The following CIBAR2 variants were observed in gnomAD, a reference collection of about 807,000 sequenced individuals.
The protein encoded by CIBAR2 is CBY1-interacting BAR domain-containing protein 2.
CIBAR2 carries 38 observed loss-of-function variants against 36.2 expected under a neutral mutation model. The ratio of observed to expected loss-of-function variants is 1.05; its 90% confidence interval spans 0.81 to 1.38. CIBAR2 has a LOEUF of 1.38. Ranked by LOEUF, CIBAR2 falls within the 40% of genes most tolerant of loss-of-function variation. CIBAR2 has a pLI of 0.00. For missense variants in CIBAR2, 481 were observed against 383.4 expected (o/e 1.25, Z -2.13); for synonymous variants, 182 against 149.5 (o/e 1.22, Z -1.58).
chr16:85,112,454 T>G lies in CIBAR2; in HGVS notation c.-102A>C, dbSNP rs1049174047. ...CCGGGCAGGGCTGGGTGCAGCTGTG[T>G]GGCCTGGGCTCAAGGGACGCTGCCA... is the stretch of plus-strand genomic sequence containing the variant. On this transcript the variant is annotated 5_prime_UTR_variant, in exon 1 of 9. Transcript: ENST00000539556. 3 of 1,224,752 alleles carry G rather than the reference T, an allele frequency of 2.4e-6. No homozygotes were observed. Among genetic ancestry groups the G allele is most frequent in the Admixed American group, 1.7e-5 (1 of 57,292 alleles). The allele number at this position is 1,224,752 out of a possible 1,614,324, so 75.9% of individuals were successfully genotyped here.
At chr16:85,104,310 C>T (rs1173331610) in intron 6 of CIBAR2, among the ~76,000 whole-genome samples, 1 of 152,194 alleles carries the variant, frequency 6.6e-6, no homozygotes, top group East Asian at 1.9e-4. Context: ...CAGGCCTGAG[C>T]CAGGGCTTCA....
intron 7 of CIBAR2, among the ~76,000 whole-genome samples, chr16:85,100,636 C>A (rs577941822): frequency 5.9e-5 from 9 of 152,332 alleles, no homozygotes; most frequent in Non-Finnish European, 7.3e-5. Context: ...GATGCTTCCC[C>A]CATCAGGAGC....
chr16:85,108,583 C>T (rs1028069153), intron 2 of CIBAR2, among the ~76,000 whole-genome samples: 1 of 152,180 alleles, frequency 6.6e-6, no homozygotes, highest in Non-Finnish European at 1.5e-5. Flanking sequence ...TATTGAGAGT[C>T]ACAGTGGGGC....
rs371042776 is a variant in CIBAR2 at position 85,112,431 on chromosome 16, G to C, written c.-79C>G. ...GGGTCCTGCAGGCCTGGGAGGAGCC[G>C]GGCAGGGCTGGGTGCAGCTGTGTGG... is the stretch of plus-strand genomic sequence containing the variant. On this transcript the variant is annotated 5_prime_UTR_variant, in exon 1 of 9. Transcript: ENST00000539556. 13 of 1,409,694 alleles carry C rather than the reference G, an allele frequency of 9.2e-6. No individual in the cohort carries two copies. Among genetic ancestry groups the C allele is most frequent in the Non-Finnish European group, 1.3e-5 (13 of 995,924 alleles). 87.3% of individuals were successfully genotyped at this position (1,409,694 alleles called of 1,614,324 possible).
intron 7 of CIBAR2, 74 bp downstream of exon 7, chr16:85,102,140 C>G (rs1181781089): frequency 2.4e-6 from 2 of 818,530 alleles, no homozygotes; most frequent in African/African-American, 3.5e-5. Flanking sequence ...ACAAAAACGA[C>G]TTCTATCAAG....
At chr16:85,101,132 C>T (rs945592702) in intron 7 of CIBAR2, among the ~76,000 whole-genome samples, 2 of 152,162 alleles carry the variant, frequency 1.3e-5, no homozygotes, top group Non-Finnish European at 2.9e-5. Context: ...TGGGCAGCCA[C>T]TGTGGCCGTA....
At chr16:85,112,223 A>ACCCCCCCCCCC in intron 1 of CIBAR2, 110 bp downstream of exon 1, 2 of 634,094 alleles carry the variant, frequency 3.2e-6, no homozygotes, top group Non-Finnish European at 5.8e-6. Flanking sequence ...CCTCACCCCC[A>ACCCCCCCCCCC]ACCCCCACCC....
At chr16:85,101,180 G>A (rs1192142743) in intron 7 of CIBAR2, among the ~76,000 whole-genome samples, 1 of 152,196 alleles carries the variant, frequency 6.6e-6, no homozygotes, top group Admixed American at 6.5e-5. Flanking sequence ...GGCTTTGTGG[G>A]GTGTAGCTCA....
chr16:85,108,261 G>A (rs925682195), intron 2 of CIBAR2, among the ~76,000 whole-genome samples, 162 bp from the exon 3 acceptor site: 3 of 152,194 alleles, frequency 2.0e-5, no homozygotes, highest in Non-Finnish European at 4.4e-5. Flanking sequence ...TTGGAGGCAC[G>A]GAGCTGGGTT....
At chr16:85,100,824 G>T (rs1159174481) in intron 7 of CIBAR2, among the ~76,000 whole-genome samples, 1 of 152,192 alleles carries the variant, frequency 6.6e-6, no homozygotes, top group African/African-American at 2.4e-5. Context: ...GAGGCGGGCA[G>T]ATCATGAGGT....
rs116395098 is a variant in CIBAR2, at chr16:85,100,224, A to T, written c.668T>A (p.Met223Lys). The T allele has an allele frequency of 9.1e-5, 147 of 1,609,634 alleles. No individual in the cohort carries two copies. In the African/African-American group the frequency reaches 1.8e-3, roughly 19 times the overall value. ...GTCATAATGCCCATAAACTCCTTGC[A>T]TCTTGGCTCTAAAATCCTGCCGGGG... ...ERDLLDFRAK[M>K]QGVYGHYDTR... The change falls in exon 8 of 9, where the codon ATG (methionine) becomes AAG (lysine). Residue 223 changes from methionine to lysine, a missense_variant. Transcript: ENST00000539556.
At chr16:85,105,489 C>T in intron 5 of CIBAR2, 58 bp from the exon 6 acceptor site, 2 of 1,249,290 alleles carry the variant, frequency 1.6e-6, no homozygotes, top group East Asian at 2.3e-5. Context: ...GGCCCTTAGA[C>T]ACCTTTCTGA....
intron 7 of CIBAR2, 134 bp downstream of exon 7, chr16:85,102,080 G>A (rs1003234771): frequency 9.8e-6 from 6 of 613,476 alleles, no homozygotes; most frequent in Middle Eastern, 2.5e-4. Flanking sequence ...TATTGACAAC[G>A]CTTCATCAGC....
chr16:85,110,344 G>GCC lies in CIBAR2; in HGVS notation c.135_136dup (p.Ala46GlyfsTer24), dbSNP rs759578773. On this transcript the variant is annotated frameshift_variant, in exon 2 of 9. Transcript: ENST00000539556. LOFTEE classifies it high-confidence loss of function. ...GATGAGCTGCTTGACCAGCTGGTCC[G>GCC]CCTTGTCCCGCAGCCGGGCCGTCTT... 6.2e-7 allele frequency: 1 copy of GCC among 1,613,126 alleles called. No homozygotes were observed. The highest frequency in any genetic ancestry group is 1.3e-5 in the African/African-American group (1 of 74,912).
At chr16:85,102,612 G>C (rs1269132311) in intron 6 of CIBAR2, among the ~76,000 whole-genome samples, 2 of 152,150 alleles carry the variant, frequency 1.3e-5, no homozygotes, top group Non-Finnish European at 2.9e-5. Context: ...AGGAGTTCAA[G>C]ACCAGCCTGG....
At position 85,099,330 on chromosome 16, in the gene CIBAR2, T is replaced by A. The variant is rs756569493; in HGVS notation, c.770A>T (p.Gln257Leu). The A allele has an allele frequency of 1.1e-5, 18 of 1,577,018 alleles. No homozygotes were observed. The South Asian group carries it at 2.0e-4, about 17-fold the overall frequency. Residue 257 changes from glutamine (Q) to leucine (L), a missense_variant, in exon 9 of 9, where the codon CAG (glutamine) becomes CTG (leucine). By Grantham distance (113) the Gln-to-Leu change is moderately radical. Coordinates refer to ENST00000539556, the MANE Select transcript of CIBAR2 (RefSeq NM_198491.3). The stretch of plus-strand genomic sequence containing the variant: ...AGGGTCTTCATTTGCCCTACTCAGC[T>A]GGACCTGCAGAGTTCCCTGCAGAAA... ...SLASQGTLQV[Q>L]LSRANEDPEH...
intron 6 of CIBAR2, 62 bp downstream of exon 6, chr16:85,105,265 C>T: frequency 4.2e-6 from 4 of 949,856 alleles, no homozygotes; most frequent in Non-Finnish European, 6.7e-6. Flanking sequence ...CGTGTACACA[C>T]GTGCATGCAC....
chr16:85,104,154 G>T (rs2073976981), intron 6 of CIBAR2, among the ~76,000 whole-genome samples: 1 of 152,208 alleles, frequency 6.6e-6, no homozygotes, highest in Non-Finnish European at 1.5e-5. Flanking sequence ...CTTGGGTCCG[G>T]GTGACTTTCC....
At position 85,100,135 on chromosome 16, in the gene CIBAR2, T is replaced by G; in HGVS notation, c.753+4A>C. 1 of 1,607,768 alleles carries G rather than the reference T, an allele frequency of 6.2e-7. No individual in the cohort carries two copies. The highest frequency in any genetic ancestry group is 8.5e-7 in the Non-Finnish European group (1 of 1,177,178). ...TGTAACCCCTCACCCACCCACACGC[T>G]CACCTGGCTGGCGAGAGACTGAAGA... On this transcript the variant is annotated splice_donor_region_variant and intron_variant, in intron 8 of 8. Transcript: ENST00000539556.
Sources: allele counts gnomAD v4.1 joint callset (sites outside exome capture counted in the v4.1 genomes callset), GRCh38; gene constraint gnomAD v4.1.1; transcripts MANE v1.5; gene names NCBI Gene and HGNC (gene_info 2026-07-23, HGNC 2026-07-21).